The following USP7 variants were observed in gnomAD, a reference collection of about 807,000 sequenced individuals.
USP7 encodes ubiquitin C-terminal hydrolase 7.
In USP7, 9 loss-of-function variants were observed where a neutral mutation model predicts 162.9. The observed-to-expected ratio is 0.06, with a 90% confidence interval of 0.03 to 0.10. USP7 has a LOEUF of 0.10. USP7 is among the 10% of genes least tolerant of loss of function. USP7 has a pLI of 1.00. For missense variants in USP7, 715 were observed against 1,373.7 expected, an observed-to-expected ratio of 0.52 and a Z score of 7.58; for synonymous variants, 562 against 475.9, an observed-to-expected ratio of 1.18 and a Z score of -2.35.
chr16:8,920,951 C>G (rs1392951551), intron 4 of USP7, among the ~76,000 whole-genome samples: 1 of 152,188 alleles, frequency 6.6e-6, no homozygotes, highest in Non-Finnish European at 1.5e-5. Flanking sequence ...CTTTGAATGT[C>G]TGACTAAAAA....
At chr16:8,929,043 C>T (rs191039262) in intron 2 of USP7, among the ~76,000 whole-genome samples, 72 of 137,060 alleles carry the variant, frequency 5.3e-4, no homozygotes, top group African/African-American at 2.2e-3. Flanking sequence ...AGACCTCCCC[C>T]CTAAAAAAAA....
At chr16:8,929,050 A>C (rs1281632035) in intron 2 of USP7, among the ~76,000 whole-genome samples, 1 of 151,890 alleles carries the variant, frequency 6.6e-6, no homozygotes, top group African/African-American at 2.4e-5. Flanking sequence ...CCCCCTAAAA[A>C]AAAAAAGAAA....
At chr16:8,897,796 G>A (rs2061712584) in intron 25 of USP7, among the ~76,000 whole-genome samples, 2 of 140,962 alleles carry the variant, frequency 1.4e-5, no homozygotes, top group Admixed American at 7.3e-5. Context: ...CTACTTGGGG[G>A]GCTGAGGTGG....
At chr16:8,900,879 G>A (rs1368149535) in intron 20 of USP7, 111 bp downstream of exon 20, 5 of 1,090,738 alleles carry the variant, frequency 4.6e-6, no homozygotes, top group Non-Finnish European at 6.5e-6. Context: ...CTGAGGCCCT[G>A]AGTTAGCTGG....
Position 8,953,203 on chromosome 16 carries a change from G to A in USP7, c.79+10004C>T, listed in dbSNP as rs147593249. Among the ~76,000 whole-genome samples the A allele has an allele frequency of 2.8e-3, 428 of 152,078 alleles. 1 individual carries two copies. The highest frequency in any genetic ancestry group is 9.5e-3 in the African/African-American group (394 of 41,478). On this transcript the variant is annotated intron_variant, in intron 1 of 30. Coordinates refer to ENST00000344836, the MANE Select transcript of USP7 (RefSeq NM_003470.3). ...GCCTCACCTGAGGCTCCCCCTCCCC[G>A]CGGTAAGCCAGTCCTGTCTCTCCTA...
At chr16:8,904,657 T>C in intron 14 of USP7, 92 bp from the exon 15 acceptor site, 3 of 1,536,204 alleles carry the variant, frequency 2.0e-6, no homozygotes, top group Middle Eastern at 1.8e-4. Context: ...TAAAATAATC[T>C]ATTAGGCCGG....
chr16:8,924,519 G>C (rs955559268), intron 2 of USP7, among the ~76,000 whole-genome samples: 1 of 152,238 alleles, frequency 6.6e-6, no homozygotes. Context: ...TGACATCCCT[G>C]ACCACCAGGC....
chr16:8,910,835 G>C lies in USP7; in HGVS notation c.1079-8C>G. ...CCACAAATGATTCAAATACTTTAAA[G>C]AGAGAGAGAGAAAAGTCAAGTGCTA... On this transcript the variant is annotated splice_polypyrimidine_tract_variant and splice_region_variant and intron_variant, in intron 10 of 30. Transcript: ENST00000344836. 1 of 1,603,848 alleles carries C rather than the reference G, an allele frequency of 6.2e-7. No individual in the cohort carries two copies. Among genetic ancestry groups the C allele is most frequent in the Non-Finnish European group, 8.5e-7 (1 of 1,172,220 alleles).
chr16:8,938,228 G>C (rs1225572740), intron 1 of USP7, among the ~76,000 whole-genome samples: 2 of 151,718 alleles, frequency 1.3e-5, no homozygotes, highest in African/African-American at 4.8e-5. Context: ...AAATAACCTG[G>C]ATTCCTGTAG....
intron 2 of USP7, among the ~76,000 whole-genome samples, chr16:8,924,827 C>T (rs1047557845): frequency 1.1e-4 from 17 of 152,248 alleles, no homozygotes; most frequent in Admixed American, 3.3e-4. Flanking sequence ...CTTTGAGACA[C>T]TCTTCATCCC....
In USP7 at chr16:8,904,608, T is replaced by C. The variant is rs199897259; in HGVS notation, c.1574-43A>G. 2.5e-6 allele frequency: 4 copies of C among 1,605,076 alleles called. No individual in the cohort carries two copies. In the Admixed American group the frequency reaches 6.8e-5, roughly 27 times the overall value. On this transcript the variant is annotated intron_variant, in intron 14 of 30. Transcript: ENST00000344836. The stretch of plus-strand genomic sequence containing the variant: ...CCTCTTTGACCCCTGCAGATGGACT[T>C]TCCCCTCTTAGAAGCTCCCGATTCT...
chr16:8,930,293 C>T lies in USP7; in HGVS notation c.184G>A (p.Asp62Asn), dbSNP rs753015445. Residue 62 changes from aspartate (D) to asparagine (N), a missense_variant and splice_region_variant, in exon 2 of 31, where the codon GAC becomes AAC. This residue lies in a region of USP7 where 137 missense variants were observed against 123.5 expected (regional missense o/e 1.11). Transcript: ENST00000344836. Reference sequence around the variant, plus strand: ...GAGGCGGTGAACCACAGGCACTTACCATCCTCCATGTCCTCCTCCGCGGTG... The same window carrying T: ...GAGGCGGTGAACCACAGGCACTTACTATCCTCCATGTCCTCCTCCGCGGTG... ...HNTAEEDMEDDTSWRSEATFQ... is the reference protein window; with the variant it reads ...HNTAEEDMEDNTSWRSEATFQ... 1.9e-6 allele frequency: 3 copies of T among 1,609,484 alleles called. No individual in the cohort carries two copies. The highest frequency in any genetic ancestry group is 2.5e-6 in the Non-Finnish European group (3 of 1,177,640).
chr16:8,951,882 T>C (rs1303972952), intron 1 of USP7, among the ~76,000 whole-genome samples: 1 of 152,236 alleles, frequency 6.6e-6, no homozygotes, highest in East Asian at 1.9e-4. Flanking sequence ...CATCTCTTTT[T>C]ATGCCACCAA....
At chr16:8,953,597 AC>A in intron 1 of USP7, among the ~76,000 whole-genome samples, 5 of 78,124 alleles carry the variant, frequency 6.4e-5, no homozygotes, top group Admixed American at 1.4e-4. Flanking sequence ...ATGCGGCGCC[AC>A]CGGAAGCAGA....
At chr16:8,901,676 G>A (rs1042445208) in intron 18 of USP7, among the ~76,000 whole-genome samples, 2 of 152,182 alleles carry the variant, frequency 1.3e-5, no homozygotes, top group African/African-American at 4.8e-5. Context: ...CGATAAAGTT[G>A]TACTGGAAGA....
At chr16:8,931,813 A>C (rs1185439570) in intron 1 of USP7, among the ~76,000 whole-genome samples, 1 of 152,280 alleles carries the variant, frequency 6.6e-6, no homozygotes, top group East Asian at 1.9e-4. Flanking sequence ...ATCCCATTTA[A>C]ATCAATTTGT....
chr16:8,923,792 G>C (rs115585847), intron 2 of USP7, among the ~76,000 whole-genome samples: 3 of 152,128 alleles, frequency 2.0e-5, no homozygotes, highest in South Asian at 2.1e-4. Context: ...CGGGACTTCT[G>C]GGGGTAAAGA....
chr16:8,935,160 C>A (rs1217533119), intron 1 of USP7, among the ~76,000 whole-genome samples: 4 of 151,480 alleles, frequency 2.6e-5, no homozygotes, highest in Non-Finnish European at 5.9e-5. Flanking sequence ...GTTTTTAAGA[C>A]ATGGGGACTG....
chr16:8,919,268 C>G (rs369678554), intron 5 of USP7, 129 bp from the exon 6 acceptor site: 10 of 821,560 alleles, frequency 1.2e-5, no homozygotes, highest in East Asian at 7.8e-5. Context: ...ACACAGCATC[C>G]TTCAATGGTC....
Sources: gnomAD v4.1 joint callset for allele counts (sites outside exome capture counted in the v4.1 genomes callset) on GRCh38, gnomAD v4.1.1 for gene constraint, gnomAD v4.1.1 regional missense constraint, MANE v1.5 for transcripts, NCBI Gene and HGNC (gene_info 2026-07-23, HGNC 2026-07-21) for gene names.